Variants in SLC36A1 observed in about 807,000 individuals in gnomAD.
SLC36A1 encodes proton-coupled amino acid transporter 1.
SLC36A1 carries 30 observed loss-of-function variants against 47.5 expected under a neutral mutation model. That is an observed-to-expected ratio of 0.63 (90% CI 0.47 to 0.86). The LOEUF is 0.86. Ranked by LOEUF, SLC36A1 falls within the 40% of genes least tolerant of loss-of-function variation. The pLI, the probability that SLC36A1 is intolerant of heterozygous loss-of-function variation, is 0.00. For missense variants in SLC36A1, 517 were observed against 606.0 expected, an observed-to-expected ratio of 0.85 and a Z score of 1.54; for synonymous variants, 255 against 249.7, an observed-to-expected ratio of 1.02 and a Z score of -0.20.
At chr5:151,498,456 A>T in the SLC36A1 span, among the ~76,000 whole-genome samples, 158 of 152,324 alleles carry the variant, frequency 1.0e-3, no homozygotes, top group African/African-American at 3.7e-3. Flanking sequence ...TAATATCCCC[A>T]CTTTGCAAAC....
the SLC36A1 span, chr5:151,507,707 A>C: frequency 1.7e-6 from 2 of 1,145,708 alleles, no homozygotes; most frequent in African/African-American, 3.1e-5. Flanking sequence ...GCTCCCCCCA[A>C]AACCTACCAT....
At chr5:151,483,716 G>T (rs1473342136) in intron 10 of SLC36A1, among the ~76,000 whole-genome samples, 1 of 152,150 alleles carries the variant, frequency 6.6e-6, no homozygotes, top group Non-Finnish European at 1.5e-5. Context: ...TTTCCATGGT[G>T]GCAAAACAGA....
the SLC36A1 span, among the ~76,000 whole-genome samples, chr5:151,416,194 C>A: frequency 6.6e-6 from 1 of 152,162 alleles, no homozygotes; most frequent in Non-Finnish European, 1.5e-5. Flanking sequence ...CCCCTAATGC[C>A]CAGGTTCAGA....
At chr5:151,403,329 G>A in the SLC36A1 span, among the ~76,000 whole-genome samples, 2 of 152,186 alleles carry the variant, frequency 1.3e-5, no homozygotes, top group East Asian at 3.8e-4. Context: ...CCCCAGTGTT[G>A]AATGTGGGGC....
At chr5:151,478,932 T>C (rs543679271) in intron 9 of SLC36A1, among the ~76,000 whole-genome samples, 2 of 152,354 alleles carry the variant, frequency 1.3e-5, no homozygotes, top group East Asian at 3.9e-4. Flanking sequence ...GATAGTGATA[T>C]GCTATATCAT....
At chr5:151,462,986 C>T (rs1755772399) in intron 2 of SLC36A1, among the ~76,000 whole-genome samples, 3 of 152,034 alleles carry the variant, frequency 2.0e-5, no homozygotes, top group Admixed American at 2.0e-4. Flanking sequence ...AGCAATTCTC[C>T]TACCTTAACC....
At chr5:151,503,122 G>A in the SLC36A1 span, among the ~76,000 whole-genome samples, 1 of 147,806 alleles carries the variant, frequency 6.8e-6, no homozygotes, top group African/African-American at 2.7e-5. Flanking sequence ...TTAGGGCAGT[G>A]AAACCATCTG....
intron 10 of SLC36A1, chr5:151,480,116 T>A (rs977743287): frequency 6.8e-7 from 1 of 1,477,450 alleles, no homozygotes; most frequent in Non-Finnish European, 8.9e-7. Flanking sequence ...CTGGTGACAT[T>A]TAGAAAATAA....
the SLC36A1 span, among the ~76,000 whole-genome samples, chr5:151,501,142 T>C: frequency 5.3e-5 from 8 of 152,210 alleles, no homozygotes; most frequent in Non-Finnish European, 1.2e-4. Flanking sequence ...CCTTAGCATG[T>C]GAAACATCAG....
intron 8 of SLC36A1, 97 bp from the exon 9 acceptor site, chr5:151,476,493 A>G: frequency 1.0e-6 from 1 of 966,770 alleles, no homozygotes; most frequent in Non-Finnish European, 1.5e-6. Context: ...AATTCTGGGG[A>G]TAAAAGAGTT....
chr5:151,392,405 G>C, the SLC36A1 span, among the ~76,000 whole-genome samples: 1 of 152,070 alleles, frequency 6.6e-6, no homozygotes, highest in East Asian at 1.9e-4. Context: ...ATCTCCTTCA[G>C]TTCTGCTCTG....
At chr5:151,380,067 A>G in the SLC36A1 span, among the ~76,000 whole-genome samples, 1 of 152,234 alleles carries the variant, frequency 6.6e-6, no homozygotes, top group Admixed American at 6.5e-5. Context: ...ATACAGGAAA[A>G]TTAATAAACC....
At chr5:151,545,626 G>T in the SLC36A1 span, 1 of 1,614,028 alleles carries the variant, frequency 6.2e-7, no homozygotes. Context: ...TTGGAAAGAG[G>T]GCATGCTCTC....
chr5:151,422,657 G>A, the SLC36A1 span, among the ~76,000 whole-genome samples: 4 of 152,164 alleles, frequency 2.6e-5, no homozygotes, highest in African/African-American at 9.7e-5. Flanking sequence ...GAGTCCAGGA[G>A]TTTGAGGCTG....
chr5:151,503,357 T>C, the SLC36A1 span, among the ~76,000 whole-genome samples: 1 of 148,268 alleles, frequency 6.7e-6, no homozygotes. Flanking sequence ...ATTCAGTGTT[T>C]CTGTGAGCCA....
chr5:151,351,208 C>T, the SLC36A1 span, among the ~76,000 whole-genome samples: 2 of 152,116 alleles, frequency 1.3e-5, no homozygotes, highest in South Asian at 2.1e-4. Flanking sequence ...ACTGTCTCAC[C>T]GATTGGGAAA....
At chr5:151,554,722 G>C in the SLC36A1 span, 1 of 1,434,500 alleles carries the variant, frequency 7.0e-7, no homozygotes, top group Non-Finnish European at 9.6e-7. Context: ...TTGCAAATTA[G>C]TGACTATGCT....
At chr5:151,421,591 T>G in the SLC36A1 span, among the ~76,000 whole-genome samples, 12 of 150,278 alleles carry the variant, frequency 8.0e-5, no homozygotes, top group South Asian at 8.4e-4. Flanking sequence ...TTTTTTTTTT[T>G]TTGTTGTTGT....
the SLC36A1 span, among the ~76,000 whole-genome samples, chr5:151,390,985 A>C: frequency 1.3e-5 from 2 of 152,202 alleles, no homozygotes; most frequent in African/African-American, 4.8e-5. Flanking sequence ...CTGAATCTAT[A>C]AATTACCTTG....
Sources: allele counts gnomAD v4.1 joint callset (sites outside exome capture counted in the v4.1 genomes callset), GRCh38; gene constraint gnomAD v4.1.1; transcripts MANE v1.5; gene names NCBI Gene and HGNC (gene_info 2026-07-23, HGNC 2026-07-21).